The following VWA3B variants were observed in gnomAD, a reference collection of about 807,000 sequenced individuals.
VWA3B encodes von Willebrand factor A domain containing 3B.
A neutral mutation model predicts 158.3 loss-of-function variants in VWA3B; 138 were observed. The ratio of observed to expected loss-of-function variants is 0.87; its 90% CI spans 0.76 to 1.00. VWA3B has a LOEUF of 1.00. Ranked by LOEUF, VWA3B falls within the 50% of genes least tolerant of loss-of-function variation. The pLI, the probability that VWA3B is intolerant of heterozygous loss-of-function variation, is 0.00. For missense variants in VWA3B, 1,555 were observed against 1,565.1 expected (o/e 0.99, Z 0.11); for synonymous variants, 596 against 587.3 (o/e 1.01, Z -0.21).
At chr2:98,109,103 C>T (rs981184069) in intron 2 of VWA3B, among the ~76,000 whole-genome samples, 1 of 151,806 alleles carries the variant, frequency 6.6e-6, no homozygotes, top group Non-Finnish European at 1.5e-5. Context: ...AGCAATTCTC[C>T]TGCCTCAGCC....
At chr2:98,116,043 T>A (rs1230597420) in intron 3 of VWA3B, among the ~76,000 whole-genome samples, 1 of 152,112 alleles carries the variant, frequency 6.6e-6, no homozygotes, top group African/African-American at 2.4e-5. Context: ...ACAGAGATGA[T>A]CTGAAAGCCA....
chr2:98,314,261 A>C (rs1272832735), downstream of VWA3B, among the ~76,000 whole-genome samples: 5 of 152,204 alleles, frequency 3.3e-5, no homozygotes, highest in Non-Finnish European at 1.5e-5. Flanking sequence ...CTACAGAGAG[A>C]AAGCTCGCTG....
At chr2:98,108,917 GT>G (rs1573781915) in intron 2 of VWA3B, among the ~76,000 whole-genome samples, 1 of 148,356 alleles carries the variant, frequency 6.7e-6, no homozygotes, top group East Asian at 2.0e-4. Flanking sequence ...TGGCTTGTCT[GT>G]TTTTTTCCTA....
Position 98,274,193 on chromosome 2 carries a change from G to A in VWA3B, c.3045+3310G>A, listed in dbSNP as rs146467573. ...TGGGGATTTGTTAGCTGTGTTGAAT[G>A]CATGGGCCCAGCCTAATGGAGGAGA... On this transcript the variant is annotated intron_variant, in intron 22 of 27. Transcript: ENST00000477737. Among the ~76,000 whole-genome samples the A allele has an allele frequency of 1.8e-4, 27 of 152,282 alleles. 1 individual carries two copies. In the East Asian group the frequency reaches 5.2e-3, roughly 29 times the overall value.
intron 19 of VWA3B, among the ~76,000 whole-genome samples, chr2:98,236,968 G>T (rs1322368108): frequency 6.6e-6 from 1 of 152,228 alleles, no homozygotes; most frequent in Admixed American, 6.5e-5. Context: ...TTGAATCCAG[G>T]AGTTTGAGAC....
At chr2:98,285,282 G>A (rs1029162166) in intron 22 of VWA3B, among the ~76,000 whole-genome samples, 1 of 152,064 alleles carries the variant, frequency 6.6e-6, no homozygotes, top group Middle Eastern at 3.4e-3. Flanking sequence ...TAAATAAACG[G>A]CTGGATAATA....
intron 12 of VWA3B, among the ~76,000 whole-genome samples, chr2:98,203,077 C>T (rs756081107): frequency 4.6e-5 from 7 of 152,156 alleles, no homozygotes; most frequent in South Asian, 2.1e-4. Flanking sequence ...GTGATCTGCC[C>T]GCCTTGGCCT....
At chr2:98,251,093 G>A (rs1470555574) in intron 20 of VWA3B, among the ~76,000 whole-genome samples, 3 of 151,864 alleles carry the variant, frequency 2.0e-5, no homozygotes, top group Non-Finnish European at 4.4e-5. Context: ...GTGAGACCTC[G>A]TCTAAAAAAA....
intron 2 of VWA3B, among the ~76,000 whole-genome samples, chr2:98,103,213 T>C (rs547256283): frequency 6.6e-6 from 1 of 152,338 alleles, no homozygotes; most frequent in African/African-American, 2.4e-5. Context: ...GTTAGCAGTA[T>C]ATAATAACTC....
At chr2:98,306,027 C>G (rs1690505058) in intron 26 of VWA3B, among the ~76,000 whole-genome samples, 1 of 152,136 alleles carries the variant, frequency 6.6e-6, no homozygotes. Context: ...GCATGCTAAC[C>G]ACACTAAGCT....
At chr2:98,133,341 T>A (rs570004212) in intron 6 of VWA3B, among the ~76,000 whole-genome samples, 1 of 152,208 alleles carries the variant, frequency 6.6e-6, no homozygotes, top group South Asian at 2.1e-4. Context: ...GAAGTGTGTG[T>A]TTGCTGAGTT....
chr2:98,128,970 G>A (rs991120613), intron 6 of VWA3B, among the ~76,000 whole-genome samples: 4 of 152,194 alleles, frequency 2.6e-5, no homozygotes, highest in South Asian at 2.1e-4. Flanking sequence ...TGTGGCCTGC[G>A]TGGCACGCTG....
At chr2:98,144,829 G>T (rs1677051367) in intron 7 of VWA3B, among the ~76,000 whole-genome samples, 1 of 146,136 alleles carries the variant, frequency 6.8e-6, no homozygotes, top group South Asian at 2.1e-4. Flanking sequence ...GGCCTCCCAA[G>T]TGCTGGGATT....
chr2:98,191,932 A>AC (rs1296790577), intron 10 of VWA3B, among the ~76,000 whole-genome samples: 3 of 151,018 alleles, frequency 2.0e-5, no homozygotes, highest in Non-Finnish European at 4.4e-5. Flanking sequence ...CCTTACCTCC[A>AC]CCCCCCAGGC....
chr2:98,283,410 G>A (rs971113949), intron 22 of VWA3B, among the ~76,000 whole-genome samples: 7 of 152,208 alleles, frequency 4.6e-5, no homozygotes, highest in Admixed American at 1.3e-4. Context: ...CTGAAGCAAG[G>A]TGGCTTTTCC....
At chr2:98,092,728 A>G (rs978413115) in intron 1 of VWA3B, among the ~76,000 whole-genome samples, 1 of 150,760 alleles carries the variant, frequency 6.6e-6, no homozygotes, top group Non-Finnish European at 1.5e-5. Context: ...AATTTAAACA[A>G]TATAGAAAAG....
chr2:98,328,795 T>C, the VWA3B span, among the ~76,000 whole-genome samples: 1 of 152,134 alleles, frequency 6.6e-6, no homozygotes, highest in Non-Finnish European at 1.5e-5. Flanking sequence ...ATTCCACACA[T>C]AGTTCCAGCA....
chr2:98,290,635 T>C lies in VWA3B; in HGVS notation c.3157+13T>C, dbSNP rs750248467. ...TTTTATTTTCCAGGTAGTTTTTTTTTTTTTAATTTCGTGAGGCTTTTGTTA... is the reference window on the plus strand; with the variant it reads ...TTTTATTTTCCAGGTAGTTTTTTTTCTTTTAATTTCGTGAGGCTTTTGTTA... On this transcript the variant is annotated intron_variant, in intron 23 of 27. Transcript: ENST00000477737. The C allele has an allele frequency of 7.7e-6, 12 of 1,564,422 alleles. No individual in the cohort carries two copies. In the Middle Eastern group the frequency reaches 6.7e-4, roughly 88 times the overall value.
At chr2:98,095,247 C>T (rs946212945) in intron 2 of VWA3B, among the ~76,000 whole-genome samples, 1 of 152,146 alleles carries the variant, frequency 6.6e-6, no homozygotes, top group African/African-American at 2.4e-5. Context: ...ATTCATCTTT[C>T]CAATCTATGA....
Sources: gnomAD v4.1 joint callset for allele counts (sites outside exome capture counted in the v4.1 genomes callset) on GRCh38, gnomAD v4.1.1 for gene constraint, MANE v1.5 for transcripts, NCBI Gene and HGNC (gene_info 2026-07-23, HGNC 2026-07-21) for gene names.